The following MOXD1 variants were observed in gnomAD, a reference collection of about 807,000 sequenced individuals.
MOXD1 encodes the protein monooxygenase DBH like 1.
A neutral mutation model predicts 66.6 loss-of-function variants in MOXD1; 62 were observed. The ratio of observed to expected loss-of-function variants is 0.93; its 90% CI spans 0.76 to 1.15. MOXD1 has a LOEUF of 1.15. Ranked by LOEUF, MOXD1 falls within the 50% of genes most tolerant of loss-of-function variation. The pLI, the probability that MOXD1 is intolerant of heterozygous loss-of-function variation, is 0.00. For missense variants in MOXD1, 847 were observed against 754.6 expected (o/e 1.12, Z -1.44); for synonymous variants, 303 against 281.9 (o/e 1.07, Z -0.75).
rs542062031 is a variant in MOXD1, at chr6:132,384,164, T to C, written c.265-9387A>G. On this transcript the variant is annotated intron_variant, in intron 1 of 11. Transcript: ENST00000367963. Reference sequence around the variant, plus strand: ...GTTCTTTCCTTTATCCTTCCCTCCCTTTCTTCCTCTCTCCCTTCCTCTCTT... The same window carrying C: ...GTTCTTTCCTTTATCCTTCCCTCCCCTTCTTCCTCTCTCCCTTCCTCTCTT... Among the ~76,000 whole-genome samples the C allele has an allele frequency of 2.0e-5, 3 of 152,018 alleles. No individual in the cohort carries two copies. The South Asian group carries it at 6.3e-4, about 32-fold the overall frequency.
At chr6:132,349,997 T>G (rs923229369) in intron 4 of MOXD1, among the ~76,000 whole-genome samples, 3 of 152,220 alleles carry the variant, frequency 2.0e-5, no homozygotes, top group African/African-American at 7.2e-5. Context: ...CTGATTTGTT[T>G]GAGTTTGTTG....
rs1775736173 is a variant in MOXD1, at chr6:132,349,368, T to TATATATATATACATGTATATATATACAC, written c.664-20775_664-20774insGTGTATATATATACATGTATATATATAT. 5.2e-5 allele frequency among the ~76,000 whole-genome samples: 7 copies of TATATATATATACATGTATATATATACAC among 135,044 alleles called. 2 individuals are homozygous for TATATATATATACATGTATATATATACAC. Among genetic ancestry groups the TATATATATATACATGTATATATATACAC allele is most frequent in the Admixed American group, 3.8e-4 (5 of 13,014 alleles). 88.6% of individuals were successfully genotyped at this position (135,044 alleles called of 152,430 possible). On this transcript the variant is annotated intron_variant, in intron 4 of 11. Transcript: ENST00000367963. ...ATATATATAGATATATTCCATCATATATATATATACATGTATATATATATA... is the reference window on the plus strand; with the variant it reads ...ATATATATAGATATATTCCATCATATATATATATATACATGTATATATATACACATATATATACATGTATATATATATA...
intron 10 of MOXD1, among the ~76,000 whole-genome samples, chr6:132,300,073 A>G (rs1774498206): frequency 6.6e-6 from 1 of 152,118 alleles, no homozygotes; most frequent in South Asian, 2.1e-4. Context: ...AATAGGTAAT[A>G]TATATAGATC....
intron 4 of MOXD1, among the ~76,000 whole-genome samples, chr6:132,344,595 C>T (rs1266702827): frequency 2.6e-5 from 4 of 152,208 alleles, no homozygotes; most frequent in Non-Finnish European, 5.9e-5. Flanking sequence ...GGCGCACATT[C>T]CTTTGATTGA....
At chr6:132,307,050 G>A (rs745667576) in intron 10 of MOXD1, among the ~76,000 whole-genome samples, 4 of 152,048 alleles carry the variant, frequency 2.6e-5, no homozygotes, top group Admixed American at 6.6e-5. Flanking sequence ...TGGGCTAAAG[G>A]CCCCAATTAA....
chr6:132,351,442 T>C (rs1264010640), intron 4 of MOXD1, among the ~76,000 whole-genome samples: 1 of 152,206 alleles, frequency 6.6e-6, no homozygotes, highest in Non-Finnish European at 1.5e-5. Context: ...CTGTATCACA[T>C]TTACTGACTT....
At chr6:132,396,501 A>G (rs769177354) in intron 1 of MOXD1, among the ~76,000 whole-genome samples, 13 of 152,034 alleles carry the variant, frequency 8.6e-5, no homozygotes, top group Non-Finnish European at 1.3e-4. Context: ...ACCACACCCA[A>G]AATTAGTAGG....
At chr6:132,306,283 C>T (rs192719832) in intron 10 of MOXD1, among the ~76,000 whole-genome samples, 40 of 151,800 alleles carry the variant, frequency 2.6e-4, no homozygotes, top group African/African-American at 9.4e-4. Context: ...GGCCACCTTG[C>T]TGAAATAAGG....
At chr6:132,340,490 A>AT (rs1441769973) in intron 4 of MOXD1, among the ~76,000 whole-genome samples, 4 of 147,276 alleles carry the variant, frequency 2.7e-5, no homozygotes, top group Non-Finnish European at 5.9e-5. Context: ...TAAGGTGGAA[A>AT]TTTTAATTCG....
intron 4 of MOXD1, among the ~76,000 whole-genome samples, chr6:132,343,426 T>C (rs950974164): frequency 3.3e-5 from 5 of 151,882 alleles, no homozygotes; most frequent in African/African-American, 1.2e-4. Flanking sequence ...AATACAAAAA[T>C]TAGCTGGGCA....
At chr6:132,327,910 C>A (rs577506605) in intron 6 of MOXD1, 103 bp downstream of exon 6, 48 of 855,570 alleles carry the variant, frequency 5.6e-5, no homozygotes, top group Non-Finnish European at 8.6e-5. Flanking sequence ...AGGTTAATTC[C>A]TTCTAACACT....
chr6:132,298,665 T>G (rs886817564), intron 10 of MOXD1, among the ~76,000 whole-genome samples: 7 of 151,830 alleles, frequency 4.6e-5, no homozygotes, highest in African/African-American at 1.7e-4. Context: ...CATGAAAAAA[T>G]GCTCCACATC....
chr6:132,352,701 G>C (rs1038056357), intron 4 of MOXD1, among the ~76,000 whole-genome samples: 3 of 152,068 alleles, frequency 2.0e-5, no homozygotes, highest in Admixed American at 6.6e-5. Flanking sequence ...ACTTTGTCTT[G>C]ATGACCTGTC....
chr6:132,311,837 G>T (rs1774837516), intron 10 of MOXD1, among the ~76,000 whole-genome samples: 1 of 151,958 alleles, frequency 6.6e-6, no homozygotes, highest in Non-Finnish European at 1.5e-5. Context: ...AATTTGAGGT[G>T]GTTGCTTTTG....
chr6:132,396,422 C>T (rs1776876458), intron 1 of MOXD1, among the ~76,000 whole-genome samples: 1 of 151,610 alleles, frequency 6.6e-6, no homozygotes, highest in Non-Finnish European at 1.5e-5. Flanking sequence ...ACACCTACAT[C>T]AAAAAGTAGA....
intron 1 of MOXD1, chr6:132,391,237 A>T (rs1198166341): frequency 6.7e-6 from 1 of 148,414 alleles, no homozygotes; most frequent in Non-Finnish European, 1.5e-5. Context: ...TAAAAGAAAG[A>T]ATGGCGTCAA....
At chr6:132,360,682 T>G (rs1371957030) in intron 4 of MOXD1, among the ~76,000 whole-genome samples, 2 of 152,218 alleles carry the variant, frequency 1.3e-5, no homozygotes, top group Non-Finnish European at 1.5e-5. Context: ...CTCTAATATT[T>G]ATGTGTACAT....
At chr6:132,354,853 A>G (rs879860206) in intron 4 of MOXD1, among the ~76,000 whole-genome samples, 1 of 152,060 alleles carries the variant, frequency 6.6e-6, no homozygotes, top group Non-Finnish European at 1.5e-5. Context: ...AATGGGGGTG[A>G]GGTTCCCAGG....
At chr6:132,356,729 G>A (rs2114634715) in intron 4 of MOXD1, among the ~76,000 whole-genome samples, 1 of 151,940 alleles carries the variant, frequency 6.6e-6, no homozygotes, top group South Asian at 2.1e-4. Flanking sequence ...TAATGATGAG[G>A]GCATTAATTT....
Sources: allele counts gnomAD v4.1 joint callset (sites outside exome capture counted in the v4.1 genomes callset), GRCh38; gene constraint gnomAD v4.1.1; transcripts MANE v1.5; gene names NCBI Gene and HGNC (gene_info 2026-07-23, HGNC 2026-07-21).